SIK3: variants seen among roughly 807,000 people sequenced by gnomAD.
SIK3 encodes SIK family kinase 3.
A neutral mutation model predicts 144.2 loss-of-function variants in SIK3; 28 were observed. The ratio of observed to expected loss-of-function variants is 0.19; its 90% CI spans 0.14 to 0.27. SIK3 has a LOEUF of 0.27. Ranked by LOEUF, SIK3 falls within the 10% of genes least tolerant of loss-of-function variation. The pLI, the probability that SIK3 is intolerant of heterozygous loss-of-function variation, is 1.00. For missense variants in SIK3, 1,319 were observed against 1,776.0 expected (o/e 0.74, Z 4.62); for synonymous variants, 686 against 676.3 (o/e 1.01, Z -0.22).
chr11:117,072,529 C>T (rs565949074), intron 1 of SIK3, among the ~76,000 whole-genome samples: 2 of 152,260 alleles, frequency 1.3e-5, no homozygotes, highest in East Asian at 1.9e-4. Context: ...TTAATATCAT[C>T]GGGCAAACCT....
Position 116,846,489 on chromosome 11 carries a change from G to C in SIK3, c.4017C>G (p.Asn1339Lys), listed in dbSNP as rs756702034. 6.2e-7 allele frequency: 1 copy of C among 1,614,226 alleles called. No individual in the cohort carries two copies. The change falls in exon 24 of 25, where the codon AAC becomes AAG. Residue 1339 changes from asparagine (N) to lysine (K), a missense_variant. Asn to Lys is a moderately conservative substitution (Grantham distance 94, BLOSUM62 0). This residue lies in a region of SIK3 where 646 missense variants were observed against 763.7 expected (regional missense o/e 0.85). Coordinates refer to ENST00000445177, the MANE Select transcript of SIK3 (RefSeq NM_001366686.3). The surrounding 1 kb of genome is among the most constrained non-coding windows in gnomAD (Gnocchi z 4.1). ...TACACGTAGATGGATAGCAAGAGGA[G>C]TTTAAATGCTGGCTGCCATCACTCA... is the stretch of plus-strand genomic sequence containing the variant. The part of the protein sequence containing the change: ...PDLSDGSQHL[N>K]SSCYPSTCIT...
Position 116,861,920 on chromosome 11 carries a change from T to G in SIK3, c.2236A>C (p.Ile746Leu). The G allele has an allele frequency of 6.2e-7, 1 of 1,607,686 alleles. No individual in the cohort carries two copies. Among genetic ancestry groups the G allele is most frequent in the Non-Finnish European group, 8.5e-7 (1 of 1,176,812 alleles). Residue 746 changes from isoleucine to leucine, a missense_variant, in exon 18 of 25, where the codon ATC becomes CTC. Ile to Leu is a conservative substitution (Grantham distance 5). Transcript: ENST00000445177. ...GGTGGAGATGGCTGAGGAGGACAGA[T>G]AGAGTCCTAAAACATATATGGGGAA... ...QILQQQIQDS[I>L]CPPQPSPPLQ...
intron 3 of SIK3, among the ~76,000 whole-genome samples, chr11:116,935,303 ATTAAT>A (rs1310427356): frequency 6.6e-6 from 1 of 151,340 alleles, no homozygotes; most frequent in Non-Finnish European, 1.5e-5. Flanking sequence ...ATTAATACTT[ATTAAT>A]TTATTATTAT....
At chr11:116,874,108 G>T in intron 11 of SIK3, 52 bp from the exon 12 acceptor site, 1 of 1,592,044 alleles carries the variant, frequency 6.3e-7, no homozygotes, top group Non-Finnish European at 8.6e-7. Context: ...TTACTCAAAA[G>T]TGCTTATATC....
At chr11:116,974,645 T>C (rs1949885130) in intron 1 of SIK3, among the ~76,000 whole-genome samples, 3 of 152,196 alleles carry the variant, frequency 2.0e-5, no homozygotes, top group South Asian at 2.1e-4. Flanking sequence ...GTGATCTGCC[T>C]TGGACTCCCA....
rs1281068325 is a variant in SIK3 at position 116,868,065 on chromosome 11, T to C, written c.1833A>G (p.Arg611=). 6.4e-7 allele frequency: 1 copy of C among 1,550,634 alleles called. No homozygotes were observed. The highest frequency in any genetic ancestry group is 8.7e-7 in the Non-Finnish European group (1 of 1,147,008). ...VQRYLANRSK[R]HTLAMTNPTA... ...TAGGGTTGGTCATGGCCAGTGTATG[T>C]CTTTTGGACCTATTTGCCAAGTACC... Residue 611 remains arginine (R), a synonymous_variant, in exon 15 of 25, where the codon AGA becomes AGG. Coordinates refer to ENST00000445177, the MANE Select transcript of SIK3 (RefSeq NM_001366686.3).
intron 6 of SIK3, among the ~76,000 whole-genome samples, chr11:116,887,761 T>G (rs1457463712): frequency 1.3e-5 from 2 of 152,232 alleles, no homozygotes; most frequent in African/African-American, 2.4e-5. Flanking sequence ...AACACAGCTC[T>G]GATAATCAAG....
chr11:116,875,085 C>T, intron 11 of SIK3, 73 bp downstream of exon 11: 1 of 1,177,398 alleles, frequency 8.5e-7, no homozygotes, highest in Non-Finnish European at 1.3e-6. Context: ...GGAAATGTGC[C>T]ATGGTAGACA....
At chr11:117,041,191 A>C (rs1481329262) in intron 1 of SIK3, among the ~76,000 whole-genome samples, 1 of 152,142 alleles carries the variant, frequency 6.6e-6, no homozygotes, top group African/African-American at 2.4e-5. Context: ...GAATTCCCCC[A>C]ATTTGGGGGA....
intron 1 of SIK3, among the ~76,000 whole-genome samples, chr11:116,993,076 A>G (rs1284406145): frequency 6.9e-6 from 1 of 144,854 alleles, no homozygotes; most frequent in African/African-American, 2.4e-5. Context: ...TTTAATAAAC[A>G]GAGTCTCACT....
chr11:116,959,117 T>C (rs1382887855), intron 1 of SIK3, among the ~76,000 whole-genome samples: 1 of 151,934 alleles, frequency 6.6e-6, no homozygotes, highest in Non-Finnish European at 1.5e-5. Flanking sequence ...ACTGATTGAG[T>C]CCAGGAGTTC....
At chr11:116,993,031 TTTTTA>T (rs1479301172) in intron 1 of SIK3, among the ~76,000 whole-genome samples, 1 of 152,156 alleles carries the variant, frequency 6.6e-6, no homozygotes, top group East Asian at 1.9e-4. Context: ...ACTAAACAGA[TTTTTA>T]TTTTATTTTA....
intron 6 of SIK3, among the ~76,000 whole-genome samples, chr11:116,880,663 A>T (rs770073694): frequency 7.9e-5 from 12 of 152,240 alleles, no homozygotes; most frequent in Non-Finnish European, 1.2e-4. Flanking sequence ...ACCATTCTAC[A>T]TAAAACATGG....
chr11:116,897,196 G>T lies in SIK3; in HGVS notation c.738C>A (p.Ile246=). The T allele has an allele frequency of 6.2e-7, 1 of 1,613,858 alleles. No homozygotes were observed. The highest frequency in any genetic ancestry group is 8.5e-7 in the Non-Finnish European group (1 of 1,179,886). The change falls in exon 5 of 25, where the codon ATC becomes ATA. Residue 246 remains isoleucine, a synonymous_variant. Transcript: ENST00000445177. ...ATAAGAGAAGGCAGTTACTTACCCAGATGTCCACTTTGGGCCCATCATATT... is the reference window on the plus strand; with the variant it reads ...ATAAGAGAAGGCAGTTACTTACCCATATGTCCACTTTGGGCCCATCATATT... ...GKEYDGPKVD[I]WSLGVVLYVL...
Position 117,067,052 on chromosome 11 carries a change from C to T in SIK3, c.273+31091G>A, listed in dbSNP as rs140828038. Among the ~76,000 whole-genome samples, 813 of 152,252 alleles carry T rather than the reference C, an allele frequency of 5.3e-3. 13 individuals are homozygous for T. Among genetic ancestry groups the T allele is most frequent in the Middle Eastern group, 0.037 (11 of 294 alleles). On this transcript the variant is annotated intron_variant, in intron 1 of 24. Coordinates refer to ENST00000445177, the MANE Select transcript of SIK3 (RefSeq NM_001366686.3). ...GTAAGGATTTAAAGCAACTAGAACT[C>T]TCCTATCTCATATATTGCTAAAGAG...
intron 1 of SIK3, among the ~76,000 whole-genome samples, chr11:117,043,285 C>G (rs1170311476): frequency 2.0e-5 from 3 of 152,094 alleles, no homozygotes; most frequent in African/African-American, 7.2e-5. Flanking sequence ...AGTTTCTACA[C>G]TGCAATTCAC....
chr11:117,045,685 C>CA (rs1447605301), intron 1 of SIK3, among the ~76,000 whole-genome samples: 3 of 152,152 alleles, frequency 2.0e-5, no homozygotes, highest in Admixed American at 6.5e-5. Context: ...GTGAGACCCA[C>CA]AACACTTACG....
chr11:116,953,117 C>T (rs1179274146), intron 3 of SIK3, among the ~76,000 whole-genome samples: 2 of 152,132 alleles, frequency 1.3e-5, no homozygotes, highest in African/African-American at 4.8e-5. Context: ...CACACACACA[C>T]ACATCCATGC....
chr11:116,989,454 A>ATAGAAACTATCGT (rs766782508), intron 1 of SIK3, among the ~76,000 whole-genome samples: 4 of 152,188 alleles, frequency 2.6e-5, no homozygotes, highest in Non-Finnish European at 4.4e-5. Flanking sequence ...GCTCAACACA[A>ATAGAAACTATCGT]TAGAAACTAT....
Sources: gnomAD v4.1 joint callset for allele counts (sites outside exome capture counted in the v4.1 genomes callset) on GRCh38, gnomAD v4.1.1 for gene constraint, gnomAD v4.1.1 regional missense constraint, Gnocchi (gnomAD v3.1) non-coding constraint, MANE v1.5 for transcripts, NCBI Gene and HGNC (gene_info 2026-07-23, HGNC 2026-07-21) for gene names.